Variants in RHOBTB1 observed in about 807,000 individuals in gnomAD.
RHOBTB1 encodes the protein Rho related BTB domain containing 1.
In RHOBTB1, 40 loss-of-function variants were observed where a neutral mutation model predicts 71.6. The observed-to-expected ratio is 0.56, with a 90% confidence interval of 0.43 to 0.73. The LOEUF (loss-of-function observed/expected upper bound fraction) is 0.73, where lower values mean the gene tolerates loss of function less well. Ranked by LOEUF, RHOBTB1 falls within the 30% of genes least tolerant of loss-of-function variation. RHOBTB1 has a pLI of 0.00. For synonymous variants in RHOBTB1, 319 were observed against 334.9 expected (o/e 0.95, Z 0.52); for missense variants, 797 against 894.0 (o/e 0.89, Z 1.38).
At position 60,873,039 on chromosome 10, in the gene RHOBTB1, C is replaced by A. The variant is rs114789509; in HGVS notation, c.1816-749G>T. On this transcript the variant is annotated intron_variant, in intron 9 of 10. Coordinates refer to ENST00000337910, the MANE Select transcript of RHOBTB1 (RefSeq NM_014836.5). ...CTTTGGTCAGGTGGATCCCTAGAAC[C>A]TACAGCATGCTTCCTCTGTGGCCCC... Among the ~76,000 whole-genome samples, 1,068 of 152,288 alleles carry A rather than the reference C, an allele frequency of 7.0e-3. 15 individuals carry two copies. The highest frequency in any genetic ancestry group is 0.024 in the African/African-American group (992 of 41,570).
chr10:60,949,043 G>A (rs780690293), upstream of RHOBTB1, among the ~76,000 whole-genome samples: 5 of 152,206 alleles, frequency 3.3e-5, no homozygotes, highest in Non-Finnish European at 7.3e-5. Context: ...GCTCCAGCTA[G>A]TGATGACAAA....
chr10:60,888,254 C>T lies in RHOBTB1; in HGVS notation c.1414G>A (p.Ala472Thr). The change falls in exon 6 of 11, where the codon GCC becomes ACC. Residue 472 changes from alanine to threonine, a missense_variant. By Grantham distance (58) the Ala-to-Thr change is moderately conservative (BLOSUM62 0). Transcript: ENST00000337910. ...EITKAFHVRK[A>T]NRIKECLSKG... ...CTGAGACACTCTTTTATCCGATTGG[C>T]TTTCCTTACGTGAAAGGCTTTCGTA... The T allele has an allele frequency of 6.2e-7, 1 of 1,614,062 alleles. No homozygotes were observed. The highest frequency in any genetic ancestry group is 8.5e-7 in the Non-Finnish European group (1 of 1,179,984).
chr10:60,914,455 A>T (rs995882271), intron 2 of RHOBTB1, among the ~76,000 whole-genome samples: 6 of 152,200 alleles, frequency 3.9e-5, no homozygotes, highest in African/African-American at 9.7e-5. Context: ...TTACTCTTTT[A>T]AGGGTGAATT....
At chr10:60,945,808 G>A (rs143473043), upstream of RHOBTB1, among the ~76,000 whole-genome samples, 1 of 152,318 alleles carries the variant, frequency 6.6e-6, no homozygotes, top group East Asian at 1.9e-4. Context: ...ATCAGAAAGA[G>A]AGGGTAGTGA....
chr10:60,983,912 T>C (rs969430173), intron 2 of RHOBTB1, among the ~76,000 whole-genome samples: 1 of 152,192 alleles, frequency 6.6e-6, no homozygotes, highest in East Asian at 1.9e-4. Flanking sequence ...CCAGGTAGGA[T>C]AGCAATGAAA....
intron 2 of RHOBTB1, among the ~76,000 whole-genome samples, chr10:60,968,338 T>C (rs2086041917): frequency 6.6e-6 from 1 of 152,136 alleles, no homozygotes; most frequent in South Asian, 2.1e-4. Context: ...AATTCAAATG[T>C]AGTGTGTAAA....
At position 60,871,551 on chromosome 10, in the gene RHOBTB1, A is replaced by G. The variant is rs2080780926; in HGVS notation, c.2022T>C (p.Asp674=). The G allele has an allele frequency of 1.2e-6, 2 of 1,613,930 alleles. No homozygotes were observed. The highest frequency in any genetic ancestry group is 1.7e-6 in the Non-Finnish European group (2 of 1,179,986). Residue 674 remains aspartate, a synonymous_variant, in exon 11 of 11, where the codon GAT becomes GAC. Transcript: ENST00000337910. ...TTGAGCGATGCTTATTTAGTGCAAT[A>G]TCTTCCTTCTCTCGTTCCCTTTTCA... The part of the protein sequence containing the change: ...QRVKREREKE[D]IALNKHRSRR...
chr10:60,917,431 C>T (rs1250865930), intron 2 of RHOBTB1, among the ~76,000 whole-genome samples: 1 of 152,174 alleles, frequency 6.6e-6, no homozygotes, highest in Non-Finnish European at 1.5e-5. Flanking sequence ...GACTAGGTGG[C>T]TTAGCCAACA....
At chr10:60,986,987 T>G (rs941531041) in intron 1 of RHOBTB1, among the ~76,000 whole-genome samples, 1 of 152,180 alleles carries the variant, frequency 6.6e-6, no homozygotes, top group East Asian at 1.9e-4. Flanking sequence ...GGCCAGTTGC[T>G]GCTCATTAAT....
At chr10:60,879,821 G>A (rs2081229997) in intron 7 of RHOBTB1, among the ~76,000 whole-genome samples, 1 of 151,786 alleles carries the variant, frequency 6.6e-6, no homozygotes, top group South Asian at 2.1e-4. Context: ...CACACACTCA[G>A]GCACACACAT....
chr10:60,956,490 AC>A (rs2085596007), intron 2 of RHOBTB1, among the ~76,000 whole-genome samples: 1 of 152,160 alleles, frequency 6.6e-6, no homozygotes, highest in Non-Finnish European at 1.5e-5. Context: ...GGTTACTATA[AC>A]TTTTTTATTT....
chr10:60,910,929 G>T lies in RHOBTB1; in HGVS notation c.254C>A (p.Thr85Asn). 6.2e-7 allele frequency: 1 copy of T among 1,614,076 alleles called. No homozygotes were observed. Among genetic ancestry groups the T allele is most frequent in the Non-Finnish European group, 8.5e-7 (1 of 1,180,004 alleles). ...EVSVSLRLWD[T>N]FGDHHKDRRF... is the part of the protein sequence containing the mutation. Reference sequence around the variant, plus strand: ...TCTGTCTTTGTGATGATCACCAAAAGTATCCCAAAGCCTGAGAGAAACACT... The same window carrying T: ...TCTGTCTTTGTGATGATCACCAAAATTATCCCAAAGCCTGAGAGAAACACT... The change falls in exon 4 of 11, where the codon ACT (threonine) becomes AAT (asparagine). Residue 85 changes from threonine to asparagine, a missense_variant. Coordinates refer to ENST00000337910, the MANE Select transcript of RHOBTB1 (RefSeq NM_014836.5).
chr10:60,871,523 G>A lies in RHOBTB1; in HGVS notation c.2050C>T (p.Arg684Ter), dbSNP rs757491814. ...GATGAATTCCAGAAGCACCACTTTCGTCTTGAGCGATGCTTATTTAGTGCA... is the reference window on the plus strand; with the variant it reads ...GATGAATTCCAGAAGCACCACTTTCATCTTGAGCGATGCTTATTTAGTGCA... ...DIALNKHRSR[R>*]KWCFWNSSPA... The change falls in exon 11 of 11, where the codon CGA becomes TGA. Residue 684 changes from arginine (R) to a stop codon, truncating the protein, a stop_gained. Coordinates refer to ENST00000337910, the MANE Select transcript of RHOBTB1 (RefSeq NM_014836.5). LOFTEE classifies it high-confidence loss of function. 3.1e-6 allele frequency: 5 copies of A among 1,613,822 alleles called. No individual in the cohort carries two copies. Among genetic ancestry groups the A allele is most frequent in the Admixed American group, 1.7e-5 (1 of 59,978 alleles).
intron 1 of RHOBTB1, among the ~76,000 whole-genome samples, chr10:60,943,648 G>C (rs1391238470): frequency 6.6e-6 from 1 of 152,192 alleles, no homozygotes; most frequent in Non-Finnish European, 1.5e-5. Context: ...TCGTCGGCGC[G>C]GCACCACCCC....
upstream of RHOBTB1, among the ~76,000 whole-genome samples, chr10:60,944,476 G>T (rs994530311): frequency 2.0e-5 from 3 of 152,160 alleles, no homozygotes; most frequent in Admixed American, 1.3e-4. Flanking sequence ...GAGGCGGATC[G>T]CCCGGGACAA....
chr10:60,866,396 T>C (rs1283107253), downstream of RHOBTB1, among the ~76,000 whole-genome samples: 2 of 152,206 alleles, frequency 1.3e-5, no homozygotes, highest in African/African-American at 2.4e-5. Context: ...GTAACAATTA[T>C]GCACATGAAA....
chr10:60,980,984 A>T (rs1203098199), intron 2 of RHOBTB1, among the ~76,000 whole-genome samples: 1 of 152,226 alleles, frequency 6.6e-6, no homozygotes, highest in East Asian at 1.9e-4. Context: ...CAACTATATT[A>T]AAATATGCTA....
At chr10:60,961,042 A>G (rs1032610664) in intron 2 of RHOBTB1, among the ~76,000 whole-genome samples, 5 of 151,990 alleles carry the variant, frequency 3.3e-5, no homozygotes, top group African/African-American at 1.2e-4. Context: ...ACTGTGCTTT[A>G]CCCAGCCCCT....
At chr10:60,911,998 C>T (rs541653844) in intron 2 of RHOBTB1, among the ~76,000 whole-genome samples, 2 of 152,080 alleles carry the variant, frequency 1.3e-5, no homozygotes, top group Non-Finnish European at 1.5e-5. Flanking sequence ...ATCACAAGAT[C>T]GCTCATTAGC....
Sources: allele counts gnomAD v4.1 joint callset (sites outside exome capture counted in the v4.1 genomes callset), GRCh38; gene constraint gnomAD v4.1.1; transcripts MANE v1.5; gene names NCBI Gene and HGNC (gene_info 2026-07-23, HGNC 2026-07-21).